Variants in NT5C2 observed in about 807,000 individuals in gnomAD.
NT5C2 encodes cytosolic purine 5'-nucleotidase.
A neutral mutation model predicts 76.1 loss-of-function variants in NT5C2; 58 were observed. That is an observed-to-expected ratio of 0.76 (90% CI 0.62 to 0.95). The LOEUF (loss-of-function observed/expected upper bound fraction) is 0.95, where lower values mean the gene tolerates loss of function less well. Ranked by LOEUF, NT5C2 falls within the 40% of genes least tolerant of loss-of-function variation. NT5C2 has a pLI of 0.00. For synonymous variants in NT5C2, 229 were observed against 237.4 expected, an observed-to-expected ratio of 0.96 and a Z score of 0.32; for missense variants, 478 against 690.3, an observed-to-expected ratio of 0.69 and a Z score of 3.45.
chr10:103,125,174 A>T (rs2076429893), intron 4 of NT5C2: 1 of 604,950 alleles, frequency 1.7e-6, no homozygotes, highest in Non-Finnish European at 3.0e-6. Context: ...TTGCACATCA[A>T]ATCTGGGACT....
Position 103,091,633 on chromosome 10 carries a change from G to A in NT5C2, c.1160-18C>T, listed in dbSNP as rs2066913806. The A allele has an allele frequency of 1.2e-6, 2 of 1,606,860 alleles. No homozygotes were observed. Among genetic ancestry groups the A allele is most frequent in the Non-Finnish European group, 1.7e-6 (2 of 1,173,700 alleles). ...GAAAAGTGCTAGTTAAGGTTTGGAAGGAAAAGGAAGACATTTTAAATAAAT... is the reference window on the plus strand; with the variant it reads ...GAAAAGTGCTAGTTAAGGTTTGGAAAGAAAAGGAAGACATTTTAAATAAAT... On this transcript the variant is annotated intron_variant, in intron 15 of 18. Transcript: ENST00000404739.
chr10:103,183,060 G>A (rs1052259734), intron 1 of NT5C2, among the ~76,000 whole-genome samples: 1 of 151,762 alleles, frequency 6.6e-6, no homozygotes, highest in Admixed American at 6.6e-5. Flanking sequence ...TTAAAAACAT[G>A]GAAAGTCAGA....
chr10:103,182,836 A>G (rs1456105357), intron 1 of NT5C2, among the ~76,000 whole-genome samples: 1 of 152,194 alleles, frequency 6.6e-6, no homozygotes, highest in Non-Finnish European at 1.5e-5. Flanking sequence ...AGTTTATGGA[A>G]AAACAAAAGT....
chr10:103,119,549 G>A (rs139052016), intron 4 of NT5C2, among the ~76,000 whole-genome samples: 6 of 152,214 alleles, frequency 3.9e-5, no homozygotes, highest in East Asian at 1.9e-4. Flanking sequence ...CATGACCTAG[G>A]ACAATGAGAA....
At chr10:103,170,252 G>A (rs1016737477) in intron 3 of NT5C2, among the ~76,000 whole-genome samples, 7 of 152,262 alleles carry the variant, frequency 4.6e-5, no homozygotes, top group African/African-American at 1.7e-4. Context: ...TGAGGTTACC[G>A]TGAACTATGA....
intron 8 of NT5C2, chr10:103,100,737 A>G: frequency 3.7e-6 from 2 of 546,844 alleles, no homozygotes; most frequent in Non-Finnish European, 7.0e-6. Context: ...TTGGACAGAT[A>G]ATCATCACAC....
At chr10:103,143,423 T>C (rs527466984) in intron 3 of NT5C2, among the ~76,000 whole-genome samples, 3 of 151,990 alleles carry the variant, frequency 2.0e-5, no homozygotes, top group Non-Finnish European at 4.4e-5. Flanking sequence ...AATTTATATA[T>C]TTATATATGT....
Position 103,139,412 on chromosome 10 carries a change from G to A in NT5C2, c.169C>T (p.Leu57Phe), listed in dbSNP as rs868119072. The A allele has an allele frequency of 6.3e-7, 1 of 1,575,814 alleles. No homozygotes were observed. The highest frequency in any genetic ancestry group is 8.6e-7 in the Non-Finnish European group (1 of 1,157,452). ...KCFGFDMDYTLAVYKSPEYES... is the reference protein window; with the variant it reads ...KCFGFDMDYTFAVYKSPEYES... ...ATCAGAAATTGCTACTCACCAGCAA[G>A]GGTATAATCCATATCAAAACCAAAA... is the stretch of plus-strand genomic sequence containing the variant. Residue 57 changes from leucine (L) to phenylalanine (F), a missense_variant, in exon 4 of 19, where the codon CTT becomes TTT. By Grantham distance (22) the Leu-to-Phe change is conservative. Coordinates refer to ENST00000404739, the MANE Select transcript of NT5C2 (RefSeq NM_001351169.2).
chr10:103,144,311 G>A (rs2081108241), intron 3 of NT5C2, among the ~76,000 whole-genome samples: 1 of 152,160 alleles, frequency 6.6e-6, no homozygotes, highest in Admixed American at 6.5e-5. Flanking sequence ...CAATCCAGGA[G>A]AGAAGTATGC....
chr10:103,118,694 G>A (rs1400926637), intron 4 of NT5C2, among the ~76,000 whole-genome samples: 1 of 151,896 alleles, frequency 6.6e-6, no homozygotes, highest in Non-Finnish European at 1.5e-5. Context: ...ATCTCCTTTA[G>A]GGGTTGAGTC....
At position 103,113,247 on chromosome 10, in the gene NT5C2, A is replaced by G. The variant is rs191190095; in HGVS notation, c.176-6541T>C. 2.3e-3 allele frequency among the ~76,000 whole-genome samples: 343 copies of G among 152,294 alleles called. 4 individuals carry two copies. The highest frequency in any genetic ancestry group is 7.8e-3 in the African/African-American group (325 of 41,570). ...TTCAGTTTATTGCAAGCAAATGCAA[A>G]ATTAAATGGTAATTAAGAGTTATTT... On this transcript the variant is annotated intron_variant, in intron 4 of 18. Coordinates refer to ENST00000404739, the MANE Select transcript of NT5C2 (RefSeq NM_001351169.2).
At chr10:103,162,821 AAT>A (rs768543373) in intron 3 of NT5C2, among the ~76,000 whole-genome samples, 25 of 152,190 alleles carry the variant, frequency 1.6e-4, no homozygotes, top group Non-Finnish European at 2.6e-4. Context: ...AAAATACAGT[AAT>A]AGTTTATTTA....
intron 3 of NT5C2, among the ~76,000 whole-genome samples, chr10:103,161,053 C>A (rs554650061): frequency 2.0e-5 from 3 of 152,228 alleles, no homozygotes; most frequent in Non-Finnish European, 4.4e-5. Context: ...GAAACTGGAA[C>A]ATTCATACAC....
intron 9 of NT5C2, 42 bp from the exon 10 acceptor site, chr10:103,099,026 C>A: frequency 6.9e-7 from 1 of 1,456,166 alleles, no homozygotes; most frequent in Non-Finnish European, 9.5e-7. Flanking sequence ...AGAACAAAAT[C>A]AGTTTTTAAC....
At chr10:103,148,164 T>G (rs2081816485) in intron 3 of NT5C2, among the ~76,000 whole-genome samples, 1 of 152,238 alleles carries the variant, frequency 6.6e-6, no homozygotes, top group African/African-American at 2.4e-5. Context: ...CAAGAAATTT[T>G]GGGTTAGATT....
chr10:103,158,085 A>G (rs1336539602), intron 3 of NT5C2, among the ~76,000 whole-genome samples: 1 of 152,090 alleles, frequency 6.6e-6, no homozygotes, highest in Admixed American at 6.6e-5. Flanking sequence ...AAGAAAAAAA[A>G]AAAAGAAAAT....
chr10:103,136,772 G>A (rs1048492582), intron 4 of NT5C2, among the ~76,000 whole-genome samples: 9 of 151,934 alleles, frequency 5.9e-5, no homozygotes, highest in Non-Finnish European at 8.8e-5. Context: ...CTACAGGCAC[G>A]TACCACCACA....
At chr10:103,150,315 C>A (rs1196317646) in intron 3 of NT5C2, among the ~76,000 whole-genome samples, 1 of 152,144 alleles carries the variant, frequency 6.6e-6, no homozygotes, top group Non-Finnish European at 1.5e-5. Context: ...ATGTGTCTGG[C>A]TTACTTAGCA....
chr10:103,127,175 GATAA>G lies in NT5C2; in HGVS notation c.175+12227_175+12230del, dbSNP rs574377102. On this transcript the variant is annotated intron_variant, in intron 4 of 18. Transcript: ENST00000404739. Reference sequence around the variant, plus strand: ...ATAATTAATGTACATAATCTCATTAGATAAATAAAGTGTTAATCTACAACAATAC... The same window carrying G: ...ATAATTAATGTACATAATCTCATTAGATAAAGTGTTAATCTACAACAATAC... Among the ~76,000 whole-genome samples the G allele has an allele frequency of 8.5e-5, 13 of 152,308 alleles. 1 individual carries two copies. In the East Asian group the frequency reaches 1.9e-3, roughly 23 times the overall value.
Sources: allele counts gnomAD v4.1 joint callset (sites outside exome capture counted in the v4.1 genomes callset), GRCh38; gene constraint gnomAD v4.1.1; transcripts MANE v1.5; gene names NCBI Gene and HGNC (gene_info 2026-07-23, HGNC 2026-07-21).